CCSER1: variants seen among roughly 807,000 people sequenced by gnomAD.
The protein encoded by CCSER1 is serine-rich coiled-coil domain-containing protein 1.
Under a neutral mutation model 82.0 loss-of-function variants are expected in CCSER1, and 41 were observed. The observed-to-expected ratio is 0.50, with a 90% CI of 0.39 to 0.65. The LOEUF (loss-of-function observed/expected upper bound fraction) is 0.65. Ranked by LOEUF, CCSER1 falls within the 30% of genes least tolerant of loss-of-function variation. CCSER1 has a pLI of 0.00. For missense variants in CCSER1, 1,119 were observed against 1,064.2 expected (o/e 1.05, Z -0.72); for synonymous variants, 414 against 383.9 (o/e 1.08, Z -0.92).
intron 7 of CCSER1, among the ~76,000 whole-genome samples, chr4:90,770,189 T>C (rs1007139353): frequency 4.6e-5 from 7 of 152,168 alleles, no homozygotes; most frequent in African/African-American, 1.7e-4. Flanking sequence ...ACCATAGCCC[T>C]GGCCTACAGC....
At chr4:91,346,533 G>A (rs1164069608) in intron 10 of CCSER1, among the ~76,000 whole-genome samples, 1 of 152,170 alleles carries the variant, frequency 6.6e-6, no homozygotes, top group Non-Finnish European at 1.5e-5. Flanking sequence ...CCTATGATAA[G>A]AGTGTGTTTA....
At chr4:91,343,956 A>C (rs187063115) in intron 10 of CCSER1, among the ~76,000 whole-genome samples, 40 of 152,320 alleles carry the variant, frequency 2.6e-4, no homozygotes, top group Non-Finnish European at 5.9e-5. Flanking sequence ...TAGTACACTG[A>C]TATGGCCTTT....
intron 10 of CCSER1, among the ~76,000 whole-genome samples, chr4:91,460,517 G>A (rs747545153): frequency 4.6e-5 from 7 of 152,110 alleles, no homozygotes; most frequent in Non-Finnish European, 7.4e-5. Flanking sequence ...AACAATTTTT[G>A]TGTATCTACC....
chr4:90,700,363 C>T (rs1737827354), intron 6 of CCSER1, among the ~76,000 whole-genome samples: 1 of 152,068 alleles, frequency 6.6e-6, no homozygotes, highest in African/African-American at 2.4e-5. Context: ...ATATATGTGC[C>T]ACATTTTCTT....
chr4:91,334,422 A>G (rs151257148), intron 10 of CCSER1, among the ~76,000 whole-genome samples: 1 of 152,166 alleles, frequency 6.6e-6, no homozygotes, highest in Non-Finnish European at 1.5e-5. Context: ...TTCAGTAAAT[A>G]TCTACTCTGT....
chr4:90,876,408 T>C (rs1276655968), intron 8 of CCSER1, among the ~76,000 whole-genome samples: 1 of 152,126 alleles, frequency 6.6e-6, no homozygotes, highest in Non-Finnish European at 1.5e-5. Flanking sequence ...TCAAATCATG[T>C]GTGCTGGCAA....
chr4:91,493,424 C>A, intron 10 of CCSER1, among the ~76,000 whole-genome samples: 1 of 142,122 alleles, frequency 7.0e-6, no homozygotes, highest in East Asian at 2.1e-4. Context: ...TCTACATGTT[C>A]AAGTTTCAAA....
At chr4:91,077,822 C>T (rs1722171996) in intron 9 of CCSER1, among the ~76,000 whole-genome samples, 1 of 152,212 alleles carries the variant, frequency 6.6e-6, no homozygotes, top group Non-Finnish European at 1.5e-5. Context: ...CAGAGGGCCC[C>T]ATGGCCATGG....
At chr4:91,140,627 A>C (rs1561579873) in intron 10 of CCSER1, among the ~76,000 whole-genome samples, 1 of 152,138 alleles carries the variant, frequency 6.6e-6, no homozygotes. Context: ...TTCTCCTAGT[A>C]AAAATTAATT....
At chr4:90,862,352 A>G (rs940287103) in intron 8 of CCSER1, among the ~76,000 whole-genome samples, 3 of 145,148 alleles carry the variant, frequency 2.1e-5, no homozygotes, top group Non-Finnish European at 4.7e-5. Context: ...CCTCTTCTCA[A>G]ATGAAAGTCA....
At chr4:90,771,541 T>C (rs1182872969) in intron 7 of CCSER1, among the ~76,000 whole-genome samples, 15 of 147,440 alleles carry the variant, frequency 1.0e-4, no homozygotes, top group Non-Finnish European at 1.8e-4. Context: ...AATAAAATGA[T>C]TTTATTTAGA....
intron 9 of CCSER1, among the ~76,000 whole-genome samples, chr4:90,994,652 A>G (rs1026172389): frequency 6.6e-6 from 1 of 152,180 alleles, no homozygotes; most frequent in Admixed American, 6.6e-5. Flanking sequence ...GAGGTCACAT[A>G]TAAAGTAAAG....
Position 90,939,380 on chromosome 4 carries a change from G to A in CCSER1, c.2172+15933G>A, listed in dbSNP as rs563856306. ...GGAGTCTCCTGAATGTATCCTAAAA[G>A]GATATCTGTGGCCTGGACTTGAATT... On this transcript the variant is annotated intron_variant, in intron 9 of 10. Coordinates refer to ENST00000509176, the MANE Select transcript of CCSER1 (RefSeq NM_001145065.2). Among the ~76,000 whole-genome samples the A allele has an allele frequency of 5.6e-4, 85 of 152,274 alleles. 2 individuals are homozygous for A. The South Asian group carries it at 0.017, about 30-fold the overall frequency.
At chr4:90,168,977 A>G (rs1376317979) in intron 1 of CCSER1, among the ~76,000 whole-genome samples, 2 of 151,876 alleles carry the variant, frequency 1.3e-5, no homozygotes, top group Non-Finnish European at 2.9e-5. Flanking sequence ...TTGGTTCCAT[A>G]TGAACTTTAA....
intron 10 of CCSER1, among the ~76,000 whole-genome samples, chr4:91,119,505 T>C (rs1018859259): frequency 1.3e-5 from 2 of 152,040 alleles, no homozygotes; most frequent in Non-Finnish European, 2.9e-5. Flanking sequence ...TTCTTTGAGA[T>C]GTTAAAAAGA....
chr4:91,176,120 A>C (rs1733318063), intron 10 of CCSER1, among the ~76,000 whole-genome samples: 1 of 152,224 alleles, frequency 6.6e-6, no homozygotes, highest in Non-Finnish European at 1.5e-5. Context: ...GGTTTGTCAC[A>C]GATCAGATGG....
intron 5 of CCSER1, among the ~76,000 whole-genome samples, chr4:90,608,666 T>C (rs1335412961): frequency 6.6e-6 from 1 of 152,172 alleles, no homozygotes; most frequent in Non-Finnish European, 1.5e-5. Flanking sequence ...TCATGCATAA[T>C]GTAAAATTAC....
intron 9 of CCSER1, among the ~76,000 whole-genome samples, chr4:90,928,955 T>C (rs1267868191): frequency 6.6e-6 from 1 of 152,082 alleles, no homozygotes; most frequent in Non-Finnish European, 1.5e-5. Context: ...CCGACGCAAC[T>C]TCTATATCAT....
chr4:90,516,665 G>A (rs1476445644), intron 5 of CCSER1, among the ~76,000 whole-genome samples: 1 of 152,190 alleles, frequency 6.6e-6, no homozygotes, highest in Non-Finnish European at 1.5e-5. Flanking sequence ...GGGTATGAGA[G>A]CCCACTGATT....
Sources: allele counts gnomAD v4.1 joint callset (sites outside exome capture counted in the v4.1 genomes callset), GRCh38; gene constraint gnomAD v4.1.1; transcripts MANE v1.5; gene names NCBI Gene and HGNC (gene_info 2026-07-23, HGNC 2026-07-21).